The following FRK variants were observed in gnomAD, a reference collection of about 807,000 sequenced individuals.
FRK encodes the protein fyn related Src family tyrosine kinase, also known as tyrosine-protein kinase FRK.
In FRK, 51 loss-of-function variants were observed where a neutral mutation model predicts 56.4. The ratio of observed to expected loss-of-function variants is 0.90; its 90% CI spans 0.72 to 1.14. The LOEUF is 1.14. Ranked by LOEUF, FRK falls within the 50% of genes most tolerant of loss-of-function variation. The pLI, the probability that FRK is intolerant of heterozygous loss-of-function variation, is 0.00. For synonymous variants in FRK, 245 were observed against 217.9 expected, an observed-to-expected ratio of 1.12 and a Z score of -1.10; for missense variants, 570 against 601.4, an observed-to-expected ratio of 0.95 and a Z score of 0.55.
At chr6:115,978,605 C>A (rs984292622) in intron 2 of FRK, among the ~76,000 whole-genome samples, 11 of 152,106 alleles carry the variant, frequency 7.2e-5, no homozygotes, top group Non-Finnish European at 1.0e-4. Context: ...CAACTACAGT[C>A]ATGTGCCAAA....
the FRK span, among the ~76,000 whole-genome samples, chr6:116,073,134 G>A: frequency 6.6e-6 from 1 of 152,118 alleles, no homozygotes; most frequent in African/African-American, 2.4e-5. Flanking sequence ...AGAAGAAAGG[G>A]TCACACTGGT....
At chr6:116,033,597 C>T (rs921303546) in intron 1 of FRK, among the ~76,000 whole-genome samples, 1 of 151,926 alleles carries the variant, frequency 6.6e-6, no homozygotes, top group African/African-American at 2.4e-5. Context: ...AGTCCTGTGG[C>T]AGAAGTGGAA....
intron 1 of FRK, 119 bp from the exon 2 acceptor site, chr6:116,004,117 A>G (rs953217235): frequency 1.2e-6 from 1 of 843,372 alleles, no homozygotes; most frequent in African/African-American, 1.7e-5. Context: ...TAGTAAAACT[A>G]TTACAGGTAT....
intron 1 of FRK, among the ~76,000 whole-genome samples, chr6:116,015,309 A>G (rs1775608668): frequency 6.6e-6 from 1 of 152,184 alleles, no homozygotes; most frequent in African/African-American, 2.4e-5. Context: ...TCCTGCCACC[A>G]TGTAAGATGT....
intron 2 of FRK, among the ~76,000 whole-genome samples, chr6:115,997,406 CT>C (rs1358141754): frequency 6.6e-6 from 1 of 151,808 alleles, no homozygotes; most frequent in Non-Finnish European, 1.5e-5. Context: ...AGAAAGTACT[CT>C]GCTCAAAATC....
intron 2 of FRK, among the ~76,000 whole-genome samples, chr6:115,994,321 ACCTC>A (rs764906578): frequency 0.11 from 5,396 of 47,792 alleles, 750 homozygotes; most frequent in African/African-American, 0.19. Context: ...GAATCTCACA[ACCTC>A]CCCCCCCCCC....
At chr6:116,074,067 T>G in the FRK span, among the ~76,000 whole-genome samples, 1 of 129,678 alleles carries the variant, frequency 7.7e-6, no homozygotes. Flanking sequence ...TAGCTCTTGG[T>G]GTCTCAGAGT....
In FRK at chr6:115,943,003, C is replaced by A. The variant is rs1053267410; in HGVS notation, c.1306+17G>T. 4 of 1,604,186 alleles carry A rather than the reference C, an allele frequency of 2.5e-6. No homozygotes were observed. Among genetic ancestry groups the A allele is most frequent in the South Asian group, 2.2e-5 (2 of 89,216 alleles). ...TGACATGCAGCAGAAAGGTCCACTTCAGAATTAATTACTCACCACTGTAAG... is the reference window on the plus strand; with the variant it reads ...TGACATGCAGCAGAAAGGTCCACTTAAGAATTAATTACTCACCACTGTAAG... On this transcript the variant is annotated intron_variant, in intron 7 of 7. Coordinates refer to ENST00000606080, the MANE Select transcript of FRK (RefSeq NM_002031.3).
intron 1 of FRK, among the ~76,000 whole-genome samples, chr6:116,018,066 G>T (rs1775717846): frequency 6.6e-6 from 1 of 152,138 alleles, no homozygotes; most frequent in Non-Finnish European, 1.5e-5. Context: ...GCTGAAGAGG[G>T]AATTTCCCAA....
the FRK span, among the ~76,000 whole-genome samples, chr6:116,097,020 C>A: frequency 3.8e-4 from 58 of 152,214 alleles, no homozygotes; most frequent in African/African-American, 1.4e-3. Flanking sequence ...CACCAAAAAA[C>A]CACAGTGAAA....
intron 1 of FRK, among the ~76,000 whole-genome samples, chr6:116,058,343 T>C (rs1777473227): frequency 6.6e-6 from 1 of 152,244 alleles, no homozygotes; most frequent in South Asian, 2.1e-4. Flanking sequence ...ATTAAAAGTA[T>C]ATTTCAATTC....
chr6:115,972,929 G>C (rs1232770387), intron 2 of FRK, among the ~76,000 whole-genome samples: 1 of 152,136 alleles, frequency 6.6e-6, no homozygotes. Flanking sequence ...TCACACAGCA[G>C]ATCTAAATGT....
chr6:115,945,363 T>A (rs1772384935), intron 5 of FRK, among the ~76,000 whole-genome samples: 1 of 152,068 alleles, frequency 6.6e-6, no homozygotes, highest in Non-Finnish European at 1.5e-5. Flanking sequence ...TCCACAACCT[T>A]GCCAGCATCT....
chr6:115,944,903 G>T (rs1176625108), intron 5 of FRK, among the ~76,000 whole-genome samples: 1 of 151,970 alleles, frequency 6.6e-6, no homozygotes, highest in Non-Finnish European at 1.5e-5. Flanking sequence ...ATAGGACCCA[G>T]TATATGTTGT....
chr6:115,968,338 TATGGCACA>T (rs1773666342), intron 3 of FRK, among the ~76,000 whole-genome samples: 1 of 152,148 alleles, frequency 6.6e-6, no homozygotes, highest in Non-Finnish European at 1.5e-5. Context: ...ACTCTGCTGT[TATGGCACA>T]AAAGAATCCA....
At chr6:115,954,704 CAAT>C (rs796365847) in intron 5 of FRK, among the ~76,000 whole-genome samples, 2 of 152,240 alleles carry the variant, frequency 1.3e-5, no homozygotes, top group Non-Finnish European at 2.9e-5. Context: ...TGTTCACAAA[CAAT>C]GATTTTTTTC....
At chr6:116,020,416 C>T (rs181863524) in intron 1 of FRK, among the ~76,000 whole-genome samples, 11 of 152,016 alleles carry the variant, frequency 7.2e-5, no homozygotes, top group African/African-American at 2.7e-4. Flanking sequence ...CTCAGCCTCC[C>T]GAGTAGCTAG....
chr6:116,038,668 C>T (rs1369747596), intron 1 of FRK: 1 of 343,938 alleles, frequency 2.9e-6, no homozygotes, highest in Non-Finnish European at 5.8e-6. Flanking sequence ...TAACATGATA[C>T]CTTTTAGAAT....
the FRK span, among the ~76,000 whole-genome samples, chr6:116,089,690 A>G: frequency 6.6e-6 from 1 of 152,150 alleles, no homozygotes; most frequent in Admixed American, 6.5e-5. Flanking sequence ...TTCTCTTCTT[A>G]TAAGGACAAC....
Sources: gnomAD v4.1 joint callset for allele counts (sites outside exome capture counted in the v4.1 genomes callset) on GRCh38, gnomAD v4.1.1 for gene constraint, MANE v1.5 for transcripts, NCBI Gene and HGNC (gene_info 2026-07-23, HGNC 2026-07-21) for gene names.